ANKIB1: variants seen among roughly 807,000 people sequenced by gnomAD.
ANKIB1 encodes ankyrin repeat and IBR domain-containing protein 1.
In ANKIB1, 43 loss-of-function variants were observed where a neutral mutation model predicts 122.1. The observed-to-expected ratio is 0.35, with a 90% CI of 0.28 to 0.45. The LOEUF (loss-of-function observed/expected upper bound fraction) is 0.45, where lower values mean the gene tolerates loss of function less well. ANKIB1 is among the 20% of genes least tolerant of loss of function. ANKIB1 has a pLI of 1.00. For missense variants in ANKIB1, 992 were observed against 1,329.5 expected (o/e 0.75, Z 3.95); for synonymous variants, 390 against 442.0 (o/e 0.88, Z 1.48).
At chr7:92,328,271 T>C (rs1803070060) in intron 5 of ANKIB1, among the ~76,000 whole-genome samples, 2 of 152,186 alleles carry the variant, frequency 1.3e-5, no homozygotes, top group Admixed American at 6.5e-5. Flanking sequence ...TATAAAATTA[T>C]GGTAGTTCAA....
intron 5 of ANKIB1, among the ~76,000 whole-genome samples, chr7:92,338,207 C>T (rs1803332103): frequency 6.6e-6 from 1 of 151,440 alleles, no homozygotes; most frequent in South Asian, 2.1e-4. Flanking sequence ...CTCAGGAGTT[C>T]CAGACATACT....
At chr7:92,250,764 A>C (rs903150041) in intron 1 of ANKIB1, among the ~76,000 whole-genome samples, 1 of 152,228 alleles carries the variant, frequency 6.6e-6, no homozygotes, top group Non-Finnish European at 1.5e-5. Flanking sequence ...ATACTTTATC[A>C]GTAATTTGAT....
At chr7:92,347,234 TGG>T (rs1803559751) in intron 7 of ANKIB1, among the ~76,000 whole-genome samples, 1 of 152,220 alleles carries the variant, frequency 6.6e-6, no homozygotes, top group Non-Finnish European at 1.5e-5. Context: ...GCTTTGAATG[TGG>T]CCCAACACAA....
chr7:92,321,057 A>C (rs1802901725), intron 4 of ANKIB1, among the ~76,000 whole-genome samples: 1 of 152,152 alleles, frequency 6.6e-6, no homozygotes, highest in Non-Finnish European at 1.5e-5. Context: ...TTTCTAAAAT[A>C]GGTCTCCTCT....
intron 2 of ANKIB1, among the ~76,000 whole-genome samples, chr7:92,298,319 A>G (rs1251935358): frequency 1.3e-5 from 2 of 151,960 alleles, no homozygotes; most frequent in Non-Finnish European, 2.9e-5. Context: ...TGGATACTTC[A>G]GTAATATTTA....
chr7:92,318,893 G>A (rs954633391), intron 3 of ANKIB1, among the ~76,000 whole-genome samples: 3 of 152,110 alleles, frequency 2.0e-5, no homozygotes, highest in African/African-American at 7.2e-5. Flanking sequence ...TGAAACTTTT[G>A]TCTGCCATGC....
chr7:92,324,208 TTTATG>T (rs1454364251), intron 4 of ANKIB1, among the ~76,000 whole-genome samples: 2 of 152,160 alleles, frequency 1.3e-5, no homozygotes, highest in African/African-American at 2.4e-5. Flanking sequence ...AGTGGTTTAT[TTTATG>T]TTATGAGTTT....
chr7:92,258,928 TG>T (rs1433566382), intron 1 of ANKIB1, among the ~76,000 whole-genome samples: 2 of 152,022 alleles, frequency 1.3e-5, no homozygotes, highest in African/African-American at 4.8e-5. Flanking sequence ...GTTTTTTGTT[TG>T]TTTTTTGGAG....
chr7:92,333,426 T>C (rs1292307692), intron 5 of ANKIB1, among the ~76,000 whole-genome samples: 1 of 152,172 alleles, frequency 6.6e-6, no homozygotes, highest in East Asian at 1.9e-4. Flanking sequence ...GTATTCTATC[T>C]TTCTAGAATG....
chr7:92,334,933 G>T (rs1416951868), intron 5 of ANKIB1, among the ~76,000 whole-genome samples: 2 of 151,672 alleles, frequency 1.3e-5, no homozygotes, highest in African/African-American at 4.8e-5. Context: ...TTTACTTAGG[G>T]TGAATTTTTA....
intron 10 of ANKIB1, among the ~76,000 whole-genome samples, chr7:92,365,788 CTTTTTTTTT>C (rs59131137): frequency 5.1e-5 from 3 of 58,298 alleles, no homozygotes; most frequent in African/African-American, 2.1e-4. Context: ...ATTAAATAAT[CTTTTTTTTT>C]TTTTTTTTTT....
At chr7:92,322,972 C>T (rs1802945277) in intron 4 of ANKIB1, among the ~76,000 whole-genome samples, 1 of 152,138 alleles carries the variant, frequency 6.6e-6, no homozygotes, top group Admixed American at 6.5e-5. Context: ...GTCCCTACCT[C>T]ATAAGGTTAT....
chr7:92,265,413 A>AG (rs1801651769), intron 1 of ANKIB1, among the ~76,000 whole-genome samples: 1 of 152,236 alleles, frequency 6.6e-6, no homozygotes, highest in Admixed American at 6.5e-5. Flanking sequence ...AGAAAAAAAA[A>AG]GAGGAAAAAA....
intron 5 of ANKIB1, among the ~76,000 whole-genome samples, chr7:92,331,982 C>T (rs193186749): frequency 3.3e-5 from 5 of 152,196 alleles, no homozygotes; most frequent in East Asian, 1.9e-4. Flanking sequence ...CACATCGTAT[C>T]GTTAAATATT....
rs77199509 is a variant in ANKIB1, at chr7:92,274,807, T to A, written c.-90-20082T>A. Among the ~76,000 whole-genome samples, 225 of 152,210 alleles carry A rather than the reference T, an allele frequency of 1.5e-3. 4 individuals carry two copies. The East Asian group carries it at 0.037, about 25-fold the overall frequency. ...CTGTCACTAAAAAAAAAATTTTTTTTAATTATCTACATGGGAGGCTGAAGC... is the reference window on the plus strand; with the variant it reads ...CTGTCACTAAAAAAAAAATTTTTTTAAATTATCTACATGGGAGGCTGAAGC... On this transcript the variant is annotated intron_variant, in intron 1 of 19. Transcript: ENST00000265742.
intron 4 of ANKIB1, among the ~76,000 whole-genome samples, chr7:92,321,682 T>A (rs1340567379): frequency 1.3e-5 from 2 of 152,204 alleles, no homozygotes; most frequent in Non-Finnish European, 2.9e-5. Flanking sequence ...TTTGTACATG[T>A]TTAGAAAAAT....
At chr7:92,340,515 A>G (rs1803415139) in intron 5 of ANKIB1, among the ~76,000 whole-genome samples, 1 of 152,206 alleles carries the variant, frequency 6.6e-6, no homozygotes, top group South Asian at 2.1e-4. Context: ...CCATTGGAAT[A>G]CCAAGAAAAA....
intron 2 of ANKIB1, among the ~76,000 whole-genome samples, chr7:92,300,623 A>C (rs996982985): frequency 6.6e-6 from 1 of 151,586 alleles, no homozygotes; most frequent in Non-Finnish European, 1.5e-5. Context: ...GTGATGTTTT[A>C]ATATATATAT....
chr7:92,275,538 T>A (rs990501796), intron 1 of ANKIB1, among the ~76,000 whole-genome samples: 2 of 152,070 alleles, frequency 1.3e-5, no homozygotes, highest in African/African-American at 4.8e-5. Flanking sequence ...TTGCGAAATG[T>A]GAGGGACGGT....
Sources: gnomAD v4.1 joint callset for allele counts (sites outside exome capture counted in the v4.1 genomes callset) on GRCh38, gnomAD v4.1.1 for gene constraint, MANE v1.5 for transcripts, NCBI Gene and HGNC (gene_info 2026-07-23, HGNC 2026-07-21) for gene names.